ARSF: variants seen among roughly 807,000 people sequenced by gnomAD.
ARSF encodes arylsulfatase F.
Under a neutral mutation model 35.4 loss-of-function variants are expected in ARSF, and 33 were observed. That is an observed-to-expected ratio of 0.93 (90% confidence interval 0.71 to 1.25). ARSF has a LOEUF of 1.25. Among genes scored for constraint, ARSF ranks in the 50% most tolerant of loss-of-function variants. The pLI, the probability that ARSF is intolerant of heterozygous loss-of-function variation, is 0.00. For synonymous variants in ARSF, 222 were observed against 193.1 expected, an observed-to-expected ratio of 1.15 and a Z score of -1.24; for missense variants, 501 against 480.2, an observed-to-expected ratio of 1.04 and a Z score of -0.40.
rs760984034 is a variant in ARSF, at chrX:3,077,789, T to TTTATTATTATTATTATTATTATTA, written c.283+1126_283+1149dup. ...CTCAATTTATATCAATTTTATTTTATTTATTATTATTATTATTATTATTAT... is the reference window on the plus strand; with the variant it reads ...CTCAATTTATATCAATTTTATTTTATTTATTATTATTATTATTATTATTATTATTATTATTATTATTATTATTAT... On this transcript the variant is annotated intron_variant, in intron 4 of 10. Transcript: ENST00000381127. 6.8e-3 allele frequency among the ~76,000 whole-genome samples: 631 copies of TTTATTATTATTATTATTATTATTA among 92,209 alleles called. 7 individuals carry two copies. The highest frequency in any genetic ancestry group is 0.016 in the East Asian group (42 of 2,708). The allele number at this position is 92,209 out of a possible 115,157, so 80.1% of individuals were successfully genotyped here.
chrX:3,076,173 CTCTT>C (rs1333266874), intron 3 of ARSF, among the ~76,000 whole-genome samples: 1 of 108,649 alleles, frequency 9.2e-6, no homozygotes, highest in African/African-American at 3.4e-5. Flanking sequence ...CTCTGTCTCC[CTCTT>C]TCTGTCTTTC....
intron 1 of ARSF, among the ~76,000 whole-genome samples, chrX:3,043,667 A>G (rs1172578564): frequency 9.0e-6 from 1 of 111,515 alleles, no homozygotes; most frequent in Non-Finnish European, 1.9e-5. Flanking sequence ...TTTTTTAAAA[A>G]TTAATAGTCT....
chrX:3,091,198 A>G (rs1186716892), intron 7 of ARSF, among the ~76,000 whole-genome samples: 1 of 112,254 alleles, frequency 8.9e-6, no homozygotes, highest in Non-Finnish European at 1.9e-5. Flanking sequence ...GACAGGCATG[A>G]GTCACTGCAC....
chrX:3,059,740 C>A (rs767476365), intron 1 of ARSF, among the ~76,000 whole-genome samples: 2 of 112,625 alleles, frequency 1.8e-5, no homozygotes, highest in East Asian at 5.6e-4. Flanking sequence ...GGGGGGTGGG[C>A]ATCCAACATT....
At chrX:3,071,221 G>T (rs1171673955) in intron 2 of ARSF, among the ~76,000 whole-genome samples, 3 of 111,340 alleles carry the variant, frequency 2.7e-5, no homozygotes, top group Non-Finnish European at 5.7e-5. Context: ...TGATTGATGG[G>T]TATTTGGGCT....
At chrX:3,106,431 C>T (rs940213689) in intron 9 of ARSF, among the ~76,000 whole-genome samples, 5 of 111,638 alleles carry the variant, frequency 4.5e-5, no homozygotes, top group African/African-American at 9.8e-5. Context: ...AGCTGTACTA[C>T]GTAGAAGGGA....
chrX:3,043,591 G>A (rs2089963624), intron 1 of ARSF, among the ~76,000 whole-genome samples: 1 of 111,186 alleles, frequency 9.0e-6, no homozygotes, highest in East Asian at 2.8e-4. Flanking sequence ...TTGCCTCAGA[G>A]CTTTCCCTCT....
At chrX:3,105,228 T>C (rs1332460414) in intron 9 of ARSF, among the ~76,000 whole-genome samples, 2 of 112,281 alleles carry the variant, frequency 1.8e-5, no homozygotes, top group South Asian at 3.8e-4. Flanking sequence ...CATGGTTAAC[T>C]TACTGAAAAA....
chrX:3,082,133 C>T (rs150029251), intron 5 of ARSF, among the ~76,000 whole-genome samples: 2,950 of 111,280 alleles, frequency 0.027, 45 homozygotes, highest in Middle Eastern at 0.06. Context: ...TGAGGGTTTG[C>T]TGATCATCCA....
intron 1 of ARSF, among the ~76,000 whole-genome samples, chrX:3,061,727 G>A (rs1482158631): frequency 1.8e-5 from 2 of 111,507 alleles, no homozygotes; most frequent in Non-Finnish European, 3.8e-5. Flanking sequence ...AATGGTAAAG[G>A]GATCAATTCA....
At chrX:3,094,428 G>C (rs774437365) in intron 7 of ARSF, among the ~76,000 whole-genome samples, 1 of 111,989 alleles carries the variant, frequency 8.9e-6, no homozygotes, top group Non-Finnish European at 1.9e-5. Context: ...CCCCCAACCT[G>C]GCTTCCTGCT....
At chrX:3,077,776 C>T (rs867629124) in intron 4 of ARSF, among the ~76,000 whole-genome samples, 1 of 70,673 alleles carries the variant, frequency 1.4e-5, no homozygotes, top group Non-Finnish European at 2.8e-5. Context: ...CAATTTATAT[C>T]AATTTTATTT....
At chrX:3,043,483 G>C (rs1255695622) in intron 1 of ARSF, among the ~76,000 whole-genome samples, 73 of 111,881 alleles carry the variant, frequency 6.5e-4, no homozygotes, top group Non-Finnish European at 1.9e-5. Context: ...GATGTACTCA[G>C]TGAAATTGCA....
chrX:3,077,789 T>TTTATTTATTATTATTATTA (rs1555919571), intron 4 of ARSF, among the ~76,000 whole-genome samples: 3 of 92,216 alleles, frequency 3.3e-5, no homozygotes, highest in South Asian at 1.2e-3. Context: ...TTTTATTTTA[T>TTTATTTATTATTATTATTA]TTATTATTAT....
chrX:3,099,836 A>C (rs1261360741), intron 7 of ARSF, among the ~76,000 whole-genome samples: 3 of 112,039 alleles, frequency 2.7e-5, no homozygotes, highest in Non-Finnish European at 5.6e-5. Flanking sequence ...GTATTGTGGT[A>C]AATTTTTAAA....
At chrX:3,071,249 A>G (rs960372) in intron 2 of ARSF, among the ~76,000 whole-genome samples, 5,726 of 110,932 alleles carry the variant, frequency 0.052, 339 homozygotes, top group African/African-American at 0.17. Context: ...CATTTTTGCA[A>G]CTGCAAATTG....
intron 5 of ARSF, among the ~76,000 whole-genome samples, chrX:3,082,719 G>A (rs889095218): frequency 9.0e-6 from 1 of 111,299 alleles, no homozygotes; most frequent in Non-Finnish European, 1.9e-5. Flanking sequence ...ATTTGTACGT[G>A]TCATATTTAT....
At chrX:3,101,347 T>A in intron 8 of ARSF, 126 bp downstream of exon 8, 1 of 827,969 alleles carries the variant, frequency 1.2e-6, no homozygotes, top group Non-Finnish European at 1.7e-6. Context: ...AATTTGACTC[T>A]TAGTAAAATG....
intron 1 of ARSF, among the ~76,000 whole-genome samples, chrX:3,053,239 T>G (rs2090003656): frequency 8.9e-6 from 1 of 111,733 alleles, no homozygotes; most frequent in East Asian, 2.8e-4. Flanking sequence ...CCTCCGATAA[T>G]TTGAACTTCC....
Sources: allele counts gnomAD v4.1 joint callset (sites outside exome capture counted in the v4.1 genomes callset), GRCh38; gene constraint gnomAD v4.1.1; transcripts MANE v1.5; gene names NCBI Gene and HGNC (gene_info 2026-07-23, HGNC 2026-07-21).